Variants in MAPT observed in about 807,000 individuals in gnomAD.
The protein encoded by MAPT is microtubule-associated protein tau.
Under a neutral mutation model 67.9 loss-of-function variants are expected in MAPT, and 34 were observed. The ratio of observed to expected loss-of-function variants is 0.50; its 90% CI spans 0.38 to 0.67. The LOEUF is 0.67. Among genes scored for constraint, MAPT ranks in the 30% least tolerant of loss-of-function variants. MAPT has a pLI of 0.00. For synonymous variants in MAPT, 456 were observed against 464.5 expected (o/e 0.98, Z 0.23); for missense variants, 881 against 1,115.2 (o/e 0.79, Z 2.99).
At position 46,024,245 on chromosome 17, in the gene MAPT, C is replaced by G; in HGVS notation, c.*74C>G. The G allele has an allele frequency of 7.5e-7, 1 of 1,328,544 alleles. No homozygotes were observed. The highest frequency in any genetic ancestry group is 1.1e-6 in the Non-Finnish European group (1 of 939,630). The allele number at this position is 1,328,544 out of a possible 1,614,324, so 82.3% of individuals were successfully genotyped here. A position where few individuals can be genotyped will look rare whatever the true frequency, so the allele number is the denominator to read the frequency against. On this transcript the variant is annotated 3_prime_UTR_variant, in exon 13 of 13. Transcript: ENST00000262410. The stretch of plus-strand genomic sequence containing the variant: ...GTGTGGAAAAAAAAAGAATAATGAC[C>G]CGGCCCCCGCCCTCTGCCCCCAGCT...
At chr17:45,954,602 G>A (rs976738749) in intron 1 of MAPT, among the ~76,000 whole-genome samples, 1 of 152,162 alleles carries the variant, frequency 6.6e-6, no homozygotes, top group Non-Finnish European at 1.5e-5. Flanking sequence ...CAGCCTGGGC[G>A]ACAGAGCAAG....
Position 45,996,916 on chromosome 17 carries a change from A to G in MAPT, c.1998+252A>G, listed in dbSNP as rs1598328594. Among the ~76,000 whole-genome samples, 1 of 152,174 alleles carries G rather than the reference A, an allele frequency of 6.6e-6. No homozygotes were observed. Among genetic ancestry groups the G allele is most frequent in the East Asian group, 1.9e-4 (1 of 5,190 alleles). ...ACTGTGAGTGCCCTCCTCAGGCGAG[A>G]GAACGTTCTGGCTCTTCTCTTGCCC... On this transcript the variant is annotated intron_variant, in intron 9 of 12. Transcript: ENST00000262410. This position sits in a 1 kb window ranked among gnomAD's most constrained non-coding sequence, Gnocchi z 4.5.
At chr17:45,916,691 C>T (rs1281092178) in intron 1 of MAPT, among the ~76,000 whole-genome samples, 1 of 152,228 alleles carries the variant, frequency 6.6e-6, no homozygotes, top group African/African-American at 2.4e-5. Context: ...TCCCCAACTT[C>T]TGAGGTTACA....
intron 9 of MAPT, among the ~76,000 whole-genome samples, chr17:46,003,576 C>T (rs2075196644): frequency 1.3e-5 from 2 of 152,140 alleles, no homozygotes; most frequent in Non-Finnish European, 2.9e-5. Context: ...ACCACGCCTG[C>T]CCTTAAAAAT....
intron 9 of MAPT, among the ~76,000 whole-genome samples, chr17:46,002,873 C>T (rs923030883): frequency 3.9e-5 from 6 of 151,966 alleles, no homozygotes; most frequent in African/African-American, 7.3e-5. Context: ...GCCTTGAAGT[C>T]CTGAGCTCAA....
chr17:45,925,990 C>A (rs1443918019), intron 1 of MAPT, among the ~76,000 whole-genome samples: 1 of 152,072 alleles, frequency 6.6e-6, no homozygotes, highest in Non-Finnish European at 1.5e-5. Flanking sequence ...GCAGTCAGAT[C>A]ACTTGAGCCC....
In MAPT at chr17:45,905,341, A is replaced by G. The variant is rs1025501719; in HGVS notation, c.-18+10655A>G. ...AAGTTCCTCCCTTCTTAGCATCTCA[A>G]CTGTGCCTGAGAAAAGGCCAGTGGC... is the stretch of plus-strand genomic sequence containing the variant. On this transcript the variant is annotated intron_variant, in intron 1 of 12. Transcript: ENST00000262410. Among the ~76,000 whole-genome samples, 5 of 152,126 alleles carry G rather than the reference A, an allele frequency of 3.3e-5. 1 individual carries two copies. In the South Asian group the frequency reaches 8.3e-4, roughly 25 times the overall value.
intron 1 of MAPT, among the ~76,000 whole-genome samples, chr17:45,951,929 A>G (rs547130961): frequency 6.6e-6 from 1 of 152,266 alleles, no homozygotes; most frequent in East Asian, 1.9e-4. Context: ...AGAGAGAGAG[A>G]GGGAGGAAGG....
At chr17:46,009,395 T>C (rs1248705623) in intron 9 of MAPT, among the ~76,000 whole-genome samples, 1 of 112,838 alleles carries the variant, frequency 8.9e-6, no homozygotes, top group Non-Finnish European at 2.4e-5. Context: ...TCATTTCTCA[T>C]CAAAACGCTG....
At chr17:45,960,537 A>C (rs944765783) in intron 1 of MAPT, among the ~76,000 whole-genome samples, 4 of 152,260 alleles carry the variant, frequency 2.6e-5, no homozygotes, top group African/African-American at 9.6e-5. Context: ...TGTCAACAGT[A>C]ATCGTTTCTG....
chr17:45,944,651 C>T (rs541498773), intron 1 of MAPT, among the ~76,000 whole-genome samples: 5 of 152,290 alleles, frequency 3.3e-5, no homozygotes, highest in Middle Eastern at 3.4e-3. Flanking sequence ...GGCAGTGCAT[C>T]GTTCGCAGCG....
chr17:45,959,114 A>G (rs1401827968), intron 1 of MAPT, among the ~76,000 whole-genome samples: 1 of 152,192 alleles, frequency 6.6e-6, no homozygotes, highest in Non-Finnish European at 1.5e-5. Context: ...ATCATTTAAA[A>G]AAACATTAAT....
chr17:46,024,226 A>AG lies in MAPT; in HGVS notation c.*55_*56insG, dbSNP rs2076707765. The AG allele has an allele frequency of 6.8e-7, 1 of 1,469,322 alleles. No homozygotes were observed. The highest frequency in any genetic ancestry group is 9.5e-7 in the Non-Finnish European group (1 of 1,054,352). The allele number at this position is 1,469,322 out of a possible 1,614,324, so 91.0% of individuals were successfully genotyped here. A position where few individuals can be genotyped will look rare whatever the true frequency, so the allele number is the denominator to read the frequency against. On this transcript the variant is annotated 3_prime_UTR_variant, in exon 13 of 13. Coordinates refer to ENST00000262410, the MANE Select transcript of MAPT (RefSeq NM_001377265.1). ...GAGAGGAGAGAATGAGAGAGTGTGG[A>AG]AAAAAAAAGAATAATGACCCGGCCC...
chr17:45,945,106 G>A (rs538913997), intron 1 of MAPT, among the ~76,000 whole-genome samples: 2 of 152,314 alleles, frequency 1.3e-5, no homozygotes. Flanking sequence ...CCTCGAGTGG[G>A]GCTTCATGAT....
At chr17:45,934,101 C>T (rs562159481) in intron 1 of MAPT, among the ~76,000 whole-genome samples, 44 of 152,176 alleles carry the variant, frequency 2.9e-4, no homozygotes, top group Non-Finnish European at 4.3e-4. Flanking sequence ...GGAGCTCACA[C>T]CTGTAATCCC....
chr17:45,977,055 T>A lies in MAPT; in HGVS notation c.221-1320T>A, dbSNP rs150637158. The A allele has an allele frequency of 5.6e-3, 853 of 153,460 alleles. 4 individuals carry two copies. Among genetic ancestry groups the A allele is most frequent in the South Asian group, 0.01 (49 of 4,846 alleles). 9.5% of individuals were successfully genotyped at this position (153,460 alleles called of 1,614,324 possible). ...GATATTGTCACATGACAAGGCACTG[T>A]CACCACTGGGCATCGTGGGTAGCGC... On this transcript the variant is annotated intron_variant, in intron 3 of 12. Coordinates refer to ENST00000262410, the MANE Select transcript of MAPT (RefSeq NM_001377265.1).
Position 45,982,972 on chromosome 17 carries a change from C to A in MAPT, c.393C>A (p.Val131=). 1 of 1,436,540 alleles carries A rather than the reference C, an allele frequency of 7.0e-7. No individual in the cohort carries two copies. The highest frequency in any genetic ancestry group is 1.5e-5 in the South Asian group (1 of 66,876). 89.0% of individuals were successfully genotyped at this position (1,436,540 alleles called of 1,614,324 possible). Residue 131 remains valine (V), a synonymous_variant, in exon 5 of 13, where the codon GTC becomes GTA. Transcript: ENST00000262410. ...QPGPCGEASG[V]SGPCLGEKEP... ...GACCCTGCGGAGAGGCCTCTGGGGTCTCTGGGCCGTGCCTCGGGGAGAAAG... is the reference window on the plus strand; with the variant it reads ...GACCCTGCGGAGAGGCCTCTGGGGTATCTGGGCCGTGCCTCGGGGAGAAAG...
chr17:45,901,584 T>A (rs1335678228), intron 1 of MAPT, among the ~76,000 whole-genome samples: 3 of 152,198 alleles, frequency 2.0e-5, no homozygotes, highest in Non-Finnish European at 4.4e-5. Flanking sequence ...ATTAATAAAT[T>A]CGGCCTAAGA....
chr17:46,020,391 C>T (rs935614231), intron 12 of MAPT, among the ~76,000 whole-genome samples: 2 of 152,192 alleles, frequency 1.3e-5, no homozygotes, highest in African/African-American at 2.4e-5. Flanking sequence ...TCTGCAGAAG[C>T]GCAGCCAAGC....
Sources: allele counts gnomAD v4.1 joint callset (sites outside exome capture counted in the v4.1 genomes callset), GRCh38; gene constraint gnomAD v4.1.1; non-coding constraint Gnocchi (gnomAD v3.1); transcripts MANE v1.5; gene names NCBI Gene and HGNC (gene_info 2026-07-23, HGNC 2026-07-21).